DSCAM: variants seen among roughly 807,000 people sequenced by gnomAD.
DSCAM encodes cell adhesion molecule DSCAM.
A neutral mutation model predicts 217.7 loss-of-function variants in DSCAM; 47 were observed. The ratio of observed to expected loss-of-function variants is 0.22; its 90% confidence interval spans 0.17 to 0.28. DSCAM has a LOEUF of 0.28. Among genes scored for constraint, DSCAM ranks in the 10% least tolerant of loss-of-function variants. The pLI is 1.00. For synonymous variants in DSCAM, 1,056 were observed against 1,015.3 expected, an observed-to-expected ratio of 1.04 and a Z score of -0.76; for missense variants, 2,080 against 2,618.3, an observed-to-expected ratio of 0.79 and a Z score of 4.49.
intron 3 of DSCAM, among the ~76,000 whole-genome samples, chr21:40,518,282 C>T (rs2076319514): frequency 8.5e-6 from 1 of 117,902 alleles, no homozygotes; most frequent in Non-Finnish European, 1.7e-5. Context: ...CAAGCCCAGT[C>T]ATCTGCTGAC....
At chr21:40,530,673 A>T (rs80097315) in intron 3 of DSCAM, among the ~76,000 whole-genome samples, 146 of 152,268 alleles carry the variant, frequency 9.6e-4, no homozygotes, top group Middle Eastern at 3.4e-3. Context: ...GACACTTCAG[A>T]ATCCACCTAT....
intron 1 of DSCAM, among the ~76,000 whole-genome samples, chr21:40,769,217 CACT>C (rs55992459): frequency 0.45 from 68,782 of 151,938 alleles, 16,569 homozygotes; most frequent in African/African-American, 0.61. Context: ...CTCTGTGATA[CACT>C]ACTTGTTCTC....
intron 20 of DSCAM, among the ~76,000 whole-genome samples, chr21:40,110,856 G>T (rs1358432049): frequency 6.6e-6 from 1 of 152,140 alleles, no homozygotes; most frequent in East Asian, 1.9e-4. Flanking sequence ...GAGAAGAGAA[G>T]TTTAGAGAAA....
rs146242719 is a variant in DSCAM at position 40,278,542 on chromosome 21, G to T, written c.2183-2272C>A. ...GAGACCAGGAGTTTGAGACTAGCCA[G>T]AGTCACAGAGTGAGCCCTCATTTCT... On this transcript the variant is annotated intron_variant, in intron 10 of 32. Coordinates refer to ENST00000400454, the MANE Select transcript of DSCAM (RefSeq NM_001389.5). Among the ~76,000 whole-genome samples the T allele has an allele frequency of 9.7e-4, 147 of 152,224 alleles. 2 individuals are homozygous for T. The highest frequency in any genetic ancestry group is 2.5e-4 in the Non-Finnish European group (17 of 68,026).
At chr21:40,152,514 CA>C (rs879372919) in intron 16 of DSCAM, among the ~76,000 whole-genome samples, 6 of 152,204 alleles carry the variant, frequency 3.9e-5, no homozygotes, top group Non-Finnish European at 8.8e-5. Flanking sequence ...CCTAGCCTGG[CA>C]GGTTTTTTTC....
chr21:40,270,581 T>G (rs754095312), intron 11 of DSCAM, among the ~76,000 whole-genome samples: 3 of 152,218 alleles, frequency 2.0e-5, no homozygotes, highest in Non-Finnish European at 4.4e-5. Flanking sequence ...AAATGATGAT[T>G]GATATGGTTT....
intron 3 of DSCAM, among the ~76,000 whole-genome samples, chr21:40,508,762 TA>T (rs2076232845): frequency 5.9e-4 from 3 of 5,098 alleles, no homozygotes; most frequent in Admixed American, 3.4e-3. Context: ...TATATATATA[TA>T]TATATATATA....
chr21:40,327,386 T>A (rs2074329191), intron 8 of DSCAM, among the ~76,000 whole-genome samples: 1 of 152,232 alleles, frequency 6.6e-6, no homozygotes, highest in African/African-American at 2.4e-5. Flanking sequence ...TATTCTTATA[T>A]GTTGATTTTG....
chr21:40,516,731 T>C (rs2076302586), intron 3 of DSCAM, among the ~76,000 whole-genome samples: 1 of 151,978 alleles, frequency 6.6e-6, no homozygotes, highest in African/African-American at 2.4e-5. Context: ...AGGGAGAACA[T>C]TCGAGAAGGG....
chr21:40,123,581 T>C (rs2090058313), intron 20 of DSCAM, among the ~76,000 whole-genome samples: 1 of 152,220 alleles, frequency 6.6e-6, no homozygotes, highest in African/African-American at 2.4e-5. Flanking sequence ...AGGAATAATA[T>C]GAACGATAAC....
intron 16 of DSCAM, among the ~76,000 whole-genome samples, chr21:40,161,449 T>C (rs985792333): frequency 6.6e-6 from 1 of 152,162 alleles, no homozygotes; most frequent in Admixed American, 6.5e-5. Context: ...GATATGAACC[T>C]TTTATGATAA....
intron 3 of DSCAM, among the ~76,000 whole-genome samples, chr21:40,559,815 T>C (rs1259343954): frequency 2.7e-4 from 36 of 133,170 alleles, no homozygotes; most frequent in Admixed American, 4.4e-4. Context: ...TTCTTTGAGA[T>C]GGAGTCTCGC....
chr21:40,648,092 A>AC (rs138109176), intron 3 of DSCAM, among the ~76,000 whole-genome samples: 57,810 of 151,936 alleles, frequency 0.38, 11,800 homozygotes, highest in East Asian at 0.6. Flanking sequence ...CATACTTGCA[A>AC]AATTTGGAAA....
Position 40,078,909 on chromosome 21 carries a change from T to G in DSCAM, c.4489A>C (p.Ile1497Leu). The change falls in exon 26 of 33, where the codon ATT becomes CTT. Residue 1497 changes from isoleucine to leucine, a missense_variant. Around this residue, in one of 5 missense-constraint regions of DSCAM, gnomAD observed 1,144 missense variants for 1,421.1 expected, o/e 0.81. Coordinates refer to ENST00000400454, the MANE Select transcript of DSCAM (RefSeq NM_001389.5). The part of the protein sequence containing the change: ...INTTRVRLNL[I>L]GWNDGGCPIT... ...GGGCAGCCGCCATCATTCCAGCCAA[T>G]GAGGTTCAGCCTCACGCGTGTGGTG... The G allele has an allele frequency of 6.2e-7, 1 of 1,614,202 alleles. No individual in the cohort carries two copies. Among genetic ancestry groups the G allele is most frequent in the Non-Finnish European group, 8.5e-7 (1 of 1,180,040 alleles).
intron 3 of DSCAM, among the ~76,000 whole-genome samples, chr21:40,467,029 C>T (rs1319391732): frequency 6.6e-6 from 1 of 152,088 alleles, no homozygotes; most frequent in African/African-American, 2.4e-5. Flanking sequence ...ATAACTAGAT[C>T]TTGAGAACCT....
intron 3 of DSCAM, among the ~76,000 whole-genome samples, chr21:40,611,503 G>A (rs1423552061): frequency 2.0e-5 from 3 of 152,064 alleles, no homozygotes; most frequent in African/African-American, 7.2e-5. Context: ...TGTATTTTAT[G>A]GCACCCTCAA....
At chr21:40,121,041 C>G (rs1285868323) in intron 20 of DSCAM, among the ~76,000 whole-genome samples, 2 of 152,086 alleles carry the variant, frequency 1.3e-5, no homozygotes, top group African/African-American at 4.8e-5. Context: ...GATTTATCCC[C>G]CTATGTTCTA....
chr21:40,160,877 A>G (rs998092337), intron 16 of DSCAM, among the ~76,000 whole-genome samples: 4 of 152,238 alleles, frequency 2.6e-5, no homozygotes, highest in Admixed American at 6.5e-5. Context: ...ACCATCCAAC[A>G]GGATTTCTGG....
In DSCAM at chr21:40,083,901, T is replaced by G. The variant is rs376559380; in HGVS notation, c.4231+7A>C. On this transcript the variant is annotated splice_region_variant and intron_variant, in intron 24 of 32. Coordinates refer to ENST00000400454, the MANE Select transcript of DSCAM (RefSeq NM_001389.5). ...TCAACTATTGTGGACAATCTATATC[T>G]TATTACCTCTGATAGAGCTGCCCCC... 16 of 1,606,004 alleles carry G rather than the reference T, an allele frequency of 1.0e-5. No homozygotes were observed. Among genetic ancestry groups the G allele is most frequent in the Admixed American group, 3.4e-5 (2 of 59,284 alleles).
Sources: gnomAD v4.1 joint callset for allele counts (sites outside exome capture counted in the v4.1 genomes callset) on GRCh38, gnomAD v4.1.1 for gene constraint, gnomAD v4.1.1 regional missense constraint, MANE v1.5 for transcripts, NCBI Gene and HGNC (gene_info 2026-07-23, HGNC 2026-07-21) for gene names.